METTL4: variants seen among roughly 807,000 people sequenced by gnomAD.
METTL4 encodes N(6)-adenine-specific methyltransferase METTL4.
Under a neutral mutation model 54.0 loss-of-function variants are expected in METTL4, and 40 were observed. That is an observed-to-expected ratio of 0.74 (90% CI 0.58 to 0.96). The LOEUF (loss-of-function observed/expected upper bound fraction) is 0.96. METTL4 is among the 50% of genes least tolerant of loss of function. The probability of loss-of-function intolerance (pLI) is 0.00; values close to 1 mark genes in which losing one functional copy is unlikely to be tolerated. For missense variants in METTL4, 525 were observed against 549.0 expected, an observed-to-expected ratio of 0.96 and a Z score of 0.44; for synonymous variants, 169 against 183.8, an observed-to-expected ratio of 0.92 and a Z score of 0.65.
chr18:2,555,110 C>A, intron 3 of METTL4, 72 bp from the exon 4 acceptor site: 3 of 1,428,172 alleles, frequency 2.1e-6, no homozygotes, highest in Non-Finnish European at 1.9e-6. Flanking sequence ...CTTTGAATAT[C>A]TGAGTTTATA....
intron 3 of METTL4, chr18:2,561,073 G>A (rs1342990840): frequency 6.6e-6 from 1 of 151,856 alleles, no homozygotes. Context: ...CTCCATATAT[G>A]CCTAACATGT....
chr18:2,563,727 A>G, intron 3 of METTL4, 70 bp downstream of exon 3: 1 of 1,107,848 alleles, frequency 9.0e-7, no homozygotes, highest in East Asian at 2.5e-5. Flanking sequence ...ATCCTTATTT[A>G]TGTTGTCCAT....
chr18:2,537,862 G>A lies in METTL4; in HGVS notation c.*1138C>T. 1 of 398,504 alleles carries A rather than the reference G, an allele frequency of 2.5e-6. No homozygotes were observed. 24.7% of individuals were successfully genotyped at this position (398,504 alleles called of 1,614,324 possible). On this transcript the variant is annotated 3_prime_UTR_variant, in exon 9 of 9. Coordinates refer to ENST00000574538, the MANE Select transcript of METTL4 (RefSeq NM_022840.5). The stretch of plus-strand genomic sequence containing the variant: ...ATTTATATGAAATTCTCAAACAGCA[G>A]AACTAATGATAGAAAGCAAACCAGT...
intron 8 of METTL4, among the ~76,000 whole-genome samples, chr18:2,543,372 G>A (rs2072023093): frequency 6.6e-6 from 1 of 152,082 alleles, no homozygotes; most frequent in African/African-American, 2.4e-5. Context: ...CCTTTGAAAA[G>A]TAAACTTTGA....
intron 5 of METTL4, among the ~76,000 whole-genome samples, chr18:2,551,450 C>T (rs1283646742): frequency 6.6e-6 from 1 of 152,152 alleles, no homozygotes; most frequent in Admixed American, 6.5e-5. Context: ...CACTTGTAAT[C>T]TCAGCACTAT....
chr18:2,556,504 T>C (rs1266723131), intron 3 of METTL4, among the ~76,000 whole-genome samples: 5 of 151,594 alleles, frequency 3.3e-5, no homozygotes, highest in African/African-American at 1.2e-4. Flanking sequence ...TTATCAGGAA[T>C]GTAAAGAAGC....
chr18:2,554,479 A>G, intron 4 of METTL4, 190 bp downstream of exon 4: 1 of 546,418 alleles, frequency 1.8e-6, no homozygotes, highest in Non-Finnish European at 3.2e-6. Context: ...CTTTATTCAC[A>G]ATATTTATTT....
intron 4 of METTL4, 34 bp from the exon 5 acceptor site, chr18:2,552,798 T>G (rs776109091): frequency 1.4e-6 from 2 of 1,396,374 alleles, no homozygotes; most frequent in Non-Finnish European, 2.0e-6. Flanking sequence ...GAAAATACCT[T>G]CTCTATGTGA....
At chr18:2,566,030 G>T (rs930258222) in intron 2 of METTL4, among the ~76,000 whole-genome samples, 12 of 134,140 alleles carry the variant, frequency 8.9e-5, no homozygotes, top group Middle Eastern at 3.8e-3. Context: ...TTGGGTGACA[G>T]AGCAAGACTC....
chr18:2,566,101 A>C (rs1468458799), intron 2 of METTL4, among the ~76,000 whole-genome samples: 1 of 150,294 alleles, frequency 6.7e-6, no homozygotes, highest in Non-Finnish European at 1.5e-5. Context: ...AAAATAAACA[A>C]ATAAATAAAA....
intron 1 of METTL4, chr18:2,568,609 G>A (rs947828926): frequency 6.6e-6 from 1 of 152,350 alleles, no homozygotes; most frequent in Non-Finnish European, 1.5e-5. Context: ...AAAATTAGCT[G>A]GGCTTGGTGG....
rs1409468464 is a variant in METTL4 at position 2,571,451 on chromosome 18, G to A, written c.-741C>T. The A allele has an allele frequency of 6.6e-6, 1 of 152,222 alleles. No individual in the cohort carries two copies. Among genetic ancestry groups the A allele is most frequent in the Non-Finnish European group, 1.5e-5 (1 of 68,034 alleles). The allele number at this position is 152,222 out of a possible 1,614,324, so 9.4% of individuals were successfully genotyped here. ...GCCCACAGACCCCAGTTCCTGGGGT[G>A]ACGCAGCTGGGCGCGACCAGCACGC... On this transcript the variant is annotated 5_prime_UTR_variant, in exon 1 of 9. Transcript: ENST00000574538.
chr18:2,549,093 A>G (rs2072114348), intron 5 of METTL4, among the ~76,000 whole-genome samples: 1 of 152,170 alleles, frequency 6.6e-6, no homozygotes, highest in Non-Finnish European at 1.5e-5. Context: ...TACATCAGTA[A>G]AACTAAAGGC....
intron 7 of METTL4, 28 bp downstream of exon 7, chr18:2,544,625 T>C: frequency 1.5e-6 from 2 of 1,370,418 alleles, no homozygotes; most frequent in Non-Finnish European, 2.1e-6. Context: ...AATACATGTA[T>C]ACAATTTTGA....
intron 3 of METTL4, 106 bp from the exon 4 acceptor site, chr18:2,555,144 C>T: frequency 1.8e-6 from 2 of 1,133,846 alleles, no homozygotes; most frequent in Non-Finnish European, 2.6e-6. Context: ...ATCCTTAACA[C>T]TTACAGTAAA....
At chr18:2,547,273 T>C in intron 6 of METTL4, 82 bp downstream of exon 6, 7 of 1,117,666 alleles carry the variant, frequency 6.3e-6, no homozygotes, top group Non-Finnish European at 8.7e-6. Flanking sequence ...AGCAGTGACA[T>C]GTTGAGCATT....
intron 3 of METTL4, among the ~76,000 whole-genome samples, chr18:2,558,871 AG>A (rs1305386334): frequency 2.6e-5 from 4 of 152,228 alleles, no homozygotes; most frequent in Non-Finnish European, 5.9e-5. Flanking sequence ...GCACATAAAA[AG>A]ATGCTCAACA....
Position 2,562,976 on chromosome 18 carries a change from C to A in METTL4, c.459+821G>T, listed in dbSNP as rs116282741. On this transcript the variant is annotated intron_variant, in intron 3 of 8. Transcript: ENST00000574538. ...AAGGGAAAAAAAACCCAGGGTTCTA[C>A]CATCACATTAATTCAACAAGACCGA... Among the ~76,000 whole-genome samples, 1,023 of 152,150 alleles carry A rather than the reference C, an allele frequency of 6.7e-3. 11 individuals carry two copies. The highest frequency in any genetic ancestry group is 0.023 in the African/African-American group (971 of 41,518).
intron 3 of METTL4, among the ~76,000 whole-genome samples, chr18:2,557,104 A>G (rs2072250226): frequency 6.6e-6 from 1 of 152,108 alleles, no homozygotes; most frequent in Non-Finnish European, 1.5e-5. Flanking sequence ...ATCTGAGCAG[A>G]GCCTGGAAGA....
Sources: allele counts gnomAD v4.1 joint callset (sites outside exome capture counted in the v4.1 genomes callset), GRCh38; gene constraint gnomAD v4.1.1; transcripts MANE v1.5; gene names NCBI Gene and HGNC (gene_info 2026-07-23, HGNC 2026-07-21).